Variants in PROSER1 observed in about 807,000 individuals in gnomAD.
PROSER1 encodes the protein proline and serine rich 1, also known as proline and serine-rich protein 1.
In PROSER1, 36 loss-of-function variants were observed where a neutral mutation model predicts 71.8. That is an observed-to-expected ratio of 0.50 (90% CI 0.38 to 0.66). The LOEUF is 0.66. PROSER1 is among the 30% of genes least tolerant of loss of function. The pLI is 0.00. For synonymous variants in PROSER1, 490 were observed against 452.4 expected, an observed-to-expected ratio of 1.08 and a Z score of -1.06; for missense variants, 1,107 against 1,135.0, an observed-to-expected ratio of 0.98 and a Z score of 0.35.
rs181866489 is a variant in PROSER1, at chr13:39,028,343, C to T, written c.276-23G>A. ...TTCCTACCAAGAAAACACAATTTAG[C>T]TTTTTGTTTAAAAATCTGAACATAC... is the stretch of plus-strand genomic sequence containing the variant. On this transcript the variant is annotated intron_variant, in intron 4 of 12. Coordinates refer to ENST00000352251, the MANE Select transcript of PROSER1 (RefSeq NM_025138.5). The T allele has an allele frequency of 2.8e-3, 4,045 of 1,436,812 alleles. 8 individuals carry two copies. The highest frequency in any genetic ancestry group is 3.6e-3 in the Non-Finnish European group (3,720 of 1,023,374). The allele number at this position is 1,436,812 out of a possible 1,614,324, so 89.0% of individuals were successfully genotyped here. A position where few individuals can be genotyped will look rare whatever the true frequency, so the allele number is the denominator to read the frequency against.
chr13:39,028,041 C>T (rs1249763124), intron 5 of PROSER1, among the ~76,000 whole-genome samples, 186 bp downstream of exon 5: 4 of 152,140 alleles, frequency 2.6e-5, no homozygotes, highest in Admixed American at 6.6e-5. Flanking sequence ...CCATCTCCTC[C>T]CCCTTGAATG....
Position 39,026,433 on chromosome 13 carries a change from A to T in PROSER1, c.370-46T>A, listed in dbSNP as rs755865880. 8 of 1,263,748 alleles carry T rather than the reference A, an allele frequency of 6.3e-6. No individual in the cohort carries two copies. In the Middle Eastern group the frequency reaches 2.2e-3, roughly 347 times the overall value. 78.3% of individuals were successfully genotyped at this position (1,263,748 alleles called of 1,614,324 possible). A position where few individuals can be genotyped will look rare whatever the true frequency, so the allele number is the denominator to read the frequency against. On this transcript the variant is annotated intron_variant, in intron 5 of 12. Transcript: ENST00000352251. Reference sequence around the variant, plus strand: ...GGGGTAGGAAAAAAATTCTTAAAAGATAAGTATTCTGAACATTGGGAGCTC... The same window carrying T: ...GGGGTAGGAAAAAAATTCTTAAAAGTTAAGTATTCTGAACATTGGGAGCTC...
chr13:39,012,031 G>A, intron 12 of PROSER1, 52 bp downstream of exon 12: 1 of 1,563,972 alleles, frequency 6.4e-7, no homozygotes, highest in African/African-American at 1.4e-5. Flanking sequence ...TATCACTACA[G>A]AAGTTAGTTA....
intron 1 of PROSER1, among the ~76,000 whole-genome samples, chr13:39,035,088 T>C (rs1423730998): frequency 6.6e-6 from 1 of 152,212 alleles, no homozygotes; most frequent in East Asian, 1.9e-4. Flanking sequence ...TTAATATTCA[T>C]ATTTTTCACA....
In PROSER1 at chr13:39,014,131, G is replaced by A. The variant is rs769541663; in HGVS notation, c.1121C>T (p.Thr374Ile). The change falls in exon 11 of 13, where the codon ACT (threonine) becomes ATT (isoleucine). Residue 374 changes from threonine (T) to isoleucine (I), a missense_variant. Thr to Ile is a moderately conservative substitution (Grantham distance 89). Transcript: ENST00000352251. The stretch of plus-strand genomic sequence containing the variant: ...TGGGGTAGGAGTGGCTGCGGTAGGA[G>A]TGGCAGAAGGACCTGGCAGTGACAC... ...GLVSLPGPSATPTAATPTPGP... is the reference protein window; with the variant it reads ...GLVSLPGPSAIPTAATPTPGP... The A allele has an allele frequency of 2.5e-6, 4 of 1,614,192 alleles. No individual in the cohort carries two copies. The highest frequency in any genetic ancestry group is 2.5e-6 in the Non-Finnish European group (3 of 1,180,044).
chr13:39,037,137 AAG>A (rs1210158101), intron 1 of PROSER1, 59 bp downstream of exon 1: 7 of 1,274,284 alleles, frequency 5.5e-6, no homozygotes, highest in Non-Finnish European at 6.9e-6. Flanking sequence ...CAGTACCTCA[AAG>A]AGAGTCTAAA....
chr13:39,029,264 A>AAG lies in PROSER1; in HGVS notation c.275+16_275+17insCT. ...TTCCCAAGTAAAAAAAAAAAAAAAA[A>AAG]AAAAAGAAATACTTACGAGGCTAAC... On this transcript the variant is annotated intron_variant, in intron 4 of 12. Coordinates refer to ENST00000352251, the MANE Select transcript of PROSER1 (RefSeq NM_025138.5). 2 of 1,382,520 alleles carry AAG rather than the reference A, an allele frequency of 1.4e-6. No homozygotes were observed. The highest frequency in any genetic ancestry group is 2.5e-5 in the East Asian group (1 of 40,632). 85.6% of individuals were successfully genotyped at this position (1,382,520 alleles called of 1,614,324 possible). A position where few individuals can be genotyped will look rare whatever the true frequency, so the allele number is the denominator to read the frequency against.
At chr13:39,030,439 T>C (rs1870783597) in intron 3 of PROSER1, among the ~76,000 whole-genome samples, 1 of 152,104 alleles carries the variant, frequency 6.6e-6, no homozygotes, top group East Asian at 1.9e-4. Context: ...GAATTTTAAG[T>C]CTAAGGCAGG....
Position 39,014,338 on chromosome 13 carries a change from C to G in PROSER1, c.914G>C (p.Gly305Ala). The change falls in exon 11 of 13, where the codon GGA (glycine) becomes GCA (alanine). Residue 305 changes from glycine to alanine, a missense_variant. Coordinates refer to ENST00000352251, the MANE Select transcript of PROSER1 (RefSeq NM_025138.5). ...PSASAAATVS[G>A]MNLLNTVLPV... The stretch of plus-strand genomic sequence containing the variant: ...AAGGACAGTATTCAGCAGGTTCATT[C>G]CAGAAACGGTGGCAGCTGCTGATGC... 4 of 1,614,012 alleles carry G rather than the reference C, an allele frequency of 2.5e-6. No homozygotes were observed. Among genetic ancestry groups the G allele is most frequent in the Non-Finnish European group, 3.4e-6 (4 of 1,180,006 alleles).
Position 39,014,292 on chromosome 13 carries a change from G to A in PROSER1, c.960C>T (p.Val320=). The A allele has an allele frequency of 6.2e-7, 1 of 1,614,132 alleles. No homozygotes were observed. The highest frequency in any genetic ancestry group is 1.1e-5 in the South Asian group (1 of 91,072). The change falls in exon 11 of 13, where the codon GTC becomes GTT. Residue 320 remains valine, a synonymous_variant. Transcript: ENST00000352251. The part of the protein sequence containing the change: ...NTVLPVFPGQ[V]SSAVHTPQPS... ...GCTGAGGTGTGTGAACGGCTGAGGAGACCTGCCCTGGGAACACAGGAAGGA... is the reference window on the plus strand; with the variant it reads ...GCTGAGGTGTGTGAACGGCTGAGGAAACCTGCCCTGGGAACACAGGAAGGA...
At chr13:39,024,682 C>A in intron 6 of PROSER1, 126 bp from the exon 7 acceptor site, 1 of 678,998 alleles carries the variant, frequency 1.5e-6, no homozygotes, top group South Asian at 2.0e-5. Context: ...GACTTGCATT[C>A]CCATTTCAGT....
At chr13:39,033,082 G>A (rs1379087961) in intron 2 of PROSER1, among the ~76,000 whole-genome samples, 1 of 152,060 alleles carries the variant, frequency 6.6e-6, no homozygotes, top group African/African-American at 2.4e-5. Flanking sequence ...CATCATGCCC[G>A]GCTCATTTTT....
chr13:39,013,492 G>T lies in PROSER1; in HGVS notation c.1760C>A (p.Pro587Gln). ...TGAAATATGCAGATCTGAGGTACCT[G>T]GGTGGGGGCCACGCAAAAGGGAGGC... ...SSASLLRGPH[P>Q]GTSDLHISST... The change falls in exon 11 of 13, where the codon CCA (proline) becomes CAA (glutamine). Residue 587 changes from proline (P) to glutamine (Q), a missense_variant. Pro to Gln is a moderately conservative substitution (Grantham distance 76). Transcript: ENST00000352251. 1.2e-6 allele frequency: 2 copies of T among 1,614,084 alleles called. No individual in the cohort carries two copies. Among genetic ancestry groups the T allele is most frequent in the Non-Finnish European group, 1.7e-6 (2 of 1,180,016 alleles).
intron 5 of PROSER1, among the ~76,000 whole-genome samples, chr13:39,026,757 A>C (rs1870564095): frequency 6.6e-6 from 1 of 152,192 alleles, no homozygotes; most frequent in Non-Finnish European, 1.5e-5. Context: ...GGAAAGGAGG[A>C]CACAGAGATG....
At chr13:39,026,583 A>G (rs1870555393) in intron 5 of PROSER1, 196 bp from the exon 6 acceptor site, 1 of 470,168 alleles carries the variant, frequency 2.1e-6, no homozygotes. Context: ...AATAATTAAA[A>G]TGGTTAACAT....
In PROSER1 at chr13:39,013,607, T is replaced by C. The variant is rs572965761; in HGVS notation, c.1645A>G (p.Thr549Ala). 2.2e-5 allele frequency: 36 copies of C among 1,613,984 alleles called. No homozygotes were observed. The highest frequency in any genetic ancestry group is 2.2e-4 in the South Asian group (20 of 91,050). Reference protein sequence around the residue: ...PGLPSPVANSTSTPLTLPVQS... With the variant: ...PGLPSPVANSASTPLTLPVQS... The stretch of plus-strand genomic sequence containing the variant: ...ACAGGCAATGTCAGGGGAGTGGAAG[T>C]TGAGTTAGCCACGGGAGACGGCAGG... The change falls in exon 11 of 13, where the codon ACT becomes GCT. Residue 549 changes from threonine to alanine, a missense_variant. Thr to Ala is a moderately conservative substitution (Grantham distance 58). Transcript: ENST00000352251.
rs1869596948 is a variant in PROSER1 at position 39,010,614 on chromosome 13, A to G, written c.*751T>C. ...TACAGTAAGTAACAGAGGTGGCCCA[A>G]GAGTCAGTCAAGTGTTCTTCACTCA... On this transcript the variant is annotated 3_prime_UTR_variant, in exon 13 of 13. Coordinates refer to ENST00000352251, the MANE Select transcript of PROSER1 (RefSeq NM_025138.5). 1 of 152,674 alleles carries G rather than the reference A, an allele frequency of 6.5e-6. No homozygotes were observed. Among genetic ancestry groups the G allele is most frequent in the Non-Finnish European group, 1.5e-5 (1 of 68,046 alleles). The allele number at this position is 152,674 out of a possible 1,614,324, so 9.5% of individuals were successfully genotyped here.
Position 39,014,034 on chromosome 13 carries a change from G to A in PROSER1, c.1218C>T (p.Leu406=). The A allele has an allele frequency of 1.2e-6, 2 of 1,614,170 alleles. No individual in the cohort carries two copies. Among genetic ancestry groups the A allele is most frequent in the East Asian group, 2.2e-5 (1 of 44,886 alleles). Residue 406 remains leucine (L), a synonymous_variant, in exon 11 of 13, where the codon CTC becomes CTT. Transcript: ENST00000352251. ...CAGCAGAAGAGCTGGTGGAAAAGGGGAGGCTAGTGAAAGGTGCAGAAGTAG... is the reference window on the plus strand; with the variant it reads ...CAGCAGAAGAGCTGGTGGAAAAGGGAAGGCTAGTGAAAGGTGCAGAAGTAG... ...FASTSAPFTS[L]PFSTSSSAAS... is the part of the protein sequence containing the mutation.
At chr13:39,011,920 T>A (rs1190388002) in intron 12 of PROSER1, among the ~76,000 whole-genome samples, 163 bp downstream of exon 12, 1 of 152,180 alleles carries the variant, frequency 6.6e-6, no homozygotes, top group Non-Finnish European at 1.5e-5. Context: ...ACAAGCAAAA[T>A]TTGCAAATTT....
Sources: allele counts gnomAD v4.1 joint callset (sites outside exome capture counted in the v4.1 genomes callset), GRCh38; gene constraint gnomAD v4.1.1; transcripts MANE v1.5; gene names NCBI Gene and HGNC (gene_info 2026-07-23, HGNC 2026-07-21).